Variants in SYN3 observed in about 807,000 individuals in gnomAD.
The protein encoded by SYN3 is synapsin III.
In SYN3, 35 loss-of-function variants were observed where a neutral mutation model predicts 65.8. The ratio of observed to expected loss-of-function variants is 0.53; its 90% CI spans 0.41 to 0.70. The LOEUF (loss-of-function observed/expected upper bound fraction) is 0.70, where lower values mean the gene tolerates loss of function less well. Ranked by LOEUF, SYN3 falls within the 30% of genes least tolerant of loss-of-function variation. The probability of loss-of-function intolerance (pLI) is 0.00; values close to 1 mark genes in which losing one functional copy is unlikely to be tolerated. For synonymous variants in SYN3, 270 were observed against 292.9 expected, an observed-to-expected ratio of 0.92 and a Z score of 0.80; for missense variants, 680 against 749.0, an observed-to-expected ratio of 0.91 and a Z score of 1.08.
intron 6 of SYN3, among the ~76,000 whole-genome samples, chr22:32,770,264 T>G (rs914358410): frequency 6.6e-6 from 1 of 152,220 alleles, no homozygotes; most frequent in Non-Finnish European, 1.5e-5. Flanking sequence ...TCTCTATTTC[T>G]GTTCTTGCCC....
rs1469870955 is a variant in SYN3 at position 32,802,014 on chromosome 22, C to T, written c.711+62901G>A. On this transcript the variant is annotated intron_variant, in intron 6 of 13. Transcript: ENST00000358763. Reference sequence around the variant, plus strand: ...GGCAGCAGCGGCAATGACCCCTTGGCTCGGGCTCATCGTGCTCCTGGGCAG... The same window carrying T: ...GGCAGCAGCGGCAATGACCCCTTGGTTCGGGCTCATCGTGCTCCTGGGCAG... The T allele has an allele frequency of 3.2e-6, 5 of 1,580,084 alleles. No homozygotes were observed. The Admixed American group carries it at 8.9e-5, about 28-fold the overall frequency.
intron 6 of SYN3, among the ~76,000 whole-genome samples, chr22:32,810,641 C>G (rs1258204663): frequency 6.6e-6 from 1 of 152,156 alleles, no homozygotes; most frequent in Non-Finnish European, 1.5e-5. Context: ...CTGCCTCTGC[C>G]CATGAGGGTG....
At chr22:33,003,384 G>A (rs1340770427) in intron 2 of SYN3, among the ~76,000 whole-genome samples, 1 of 152,236 alleles carries the variant, frequency 6.6e-6, no homozygotes, top group African/African-American at 2.4e-5. Flanking sequence ...GAAGACGTGG[G>A]AAAGTTTGAA....
At chr22:32,827,847 G>C (rs140349149) in intron 6 of SYN3, among the ~76,000 whole-genome samples, 165 of 152,208 alleles carry the variant, frequency 1.1e-3, no homozygotes, top group Non-Finnish European at 1.9e-3. Context: ...TGAACTTGCT[G>C]TCCTCTCTTC....
chr22:32,552,173 G>A (rs1205769670), intron 7 of SYN3, among the ~76,000 whole-genome samples: 1 of 152,204 alleles, frequency 6.6e-6, no homozygotes, highest in Non-Finnish European at 1.5e-5. Context: ...TTGAACCCGG[G>A]AGGCGGAGGT....
At chr22:32,790,406 C>CTTTATTTATTTATTTATTTA (rs130557) in intron 6 of SYN3, among the ~76,000 whole-genome samples, 43 of 145,800 alleles carry the variant, frequency 2.9e-4, no homozygotes, top group East Asian at 1.0e-3. Flanking sequence ...TTAAATTAAA[C>CTTTATTTATTTATTTATTTA]TTTATTTATT....
At chr22:32,685,476 G>C (rs1368179022) in intron 6 of SYN3, among the ~76,000 whole-genome samples, 1 of 152,176 alleles carries the variant, frequency 6.6e-6, no homozygotes, top group East Asian at 1.9e-4. Context: ...CCCTATACAG[G>C]TGTACCACTT....
At chr22:32,840,797 C>G (rs2047876776) in intron 6 of SYN3, among the ~76,000 whole-genome samples, 1 of 152,210 alleles carries the variant, frequency 6.6e-6, no homozygotes, top group Non-Finnish European at 1.5e-5. Flanking sequence ...GACTTCATCT[C>G]TTCTTGGCTC....
intron 1 of SYN3, among the ~76,000 whole-genome samples, chr22:33,033,523 A>G (rs1196569521): frequency 6.6e-6 from 1 of 152,042 alleles, no homozygotes; most frequent in African/African-American, 2.4e-5. Flanking sequence ...GTTTAGCCAG[A>G]GGGCTTTATT....
At chr22:32,658,715 G>A (rs1345602744) in intron 6 of SYN3, among the ~76,000 whole-genome samples, 1 of 152,110 alleles carries the variant, frequency 6.6e-6, no homozygotes, top group East Asian at 1.9e-4. Context: ...TGTGTACAAA[G>A]ATGAGGGTGC....
intron 1 of SYN3, among the ~76,000 whole-genome samples, chr22:33,017,152 A>G (rs190422487): frequency 7.0e-4 from 106 of 152,342 alleles, no homozygotes; most frequent in Non-Finnish European, 3.5e-4. Context: ...AACATCACTT[A>G]TGAAGAGACT....
intron 1 of SYN3, among the ~76,000 whole-genome samples, chr22:33,039,379 T>C (rs2145927490): frequency 6.7e-6 from 1 of 149,482 alleles, no homozygotes; most frequent in African/African-American, 2.5e-5. Flanking sequence ...AATGTGACTT[T>C]TTTTTTTTTT....
chr22:32,752,548 AC>A (rs2045159957), intron 6 of SYN3, among the ~76,000 whole-genome samples: 1 of 151,994 alleles, frequency 6.6e-6, no homozygotes, highest in South Asian at 2.1e-4. Context: ...TGCTTCTGCT[AC>A]TCCTTCTACG....
At chr22:32,770,764 G>C (rs2145771985) in intron 6 of SYN3, among the ~76,000 whole-genome samples, 1 of 151,308 alleles carries the variant, frequency 6.6e-6, no homozygotes, top group South Asian at 2.1e-4. Context: ...CCTCTGTAAG[G>C]TAACTATAGC....
At chr22:32,892,490 A>C (rs981457028) in intron 4 of SYN3, among the ~76,000 whole-genome samples, 8 of 152,206 alleles carry the variant, frequency 5.3e-5, no homozygotes, top group Non-Finnish European at 1.2e-4. Flanking sequence ...AAACACATAC[A>C]TGCTATTACA....
intron 4 of SYN3, among the ~76,000 whole-genome samples, chr22:32,906,676 G>C (rs1442857802): frequency 6.6e-6 from 1 of 151,588 alleles, no homozygotes; most frequent in East Asian, 1.9e-4. Context: ...CCCCCCGACA[G>C]GCCCGGGTGT....
chr22:32,703,032 T>C (rs2060830582), intron 6 of SYN3, among the ~76,000 whole-genome samples: 1 of 152,230 alleles, frequency 6.6e-6, no homozygotes, highest in Admixed American at 6.5e-5. Context: ...TGGGGTTAGT[T>C]AGAGGCATTT....
intron 6 of SYN3, among the ~76,000 whole-genome samples, chr22:32,624,681 CT>C (rs2059641288): frequency 6.6e-6 from 1 of 152,216 alleles, no homozygotes; most frequent in Admixed American, 6.5e-5. Flanking sequence ...CGCTGGGCAC[CT>C]GCTGGAAGGC....
chr22:32,583,726 C>T (rs1017909641), intron 7 of SYN3, among the ~76,000 whole-genome samples: 3 of 152,186 alleles, frequency 2.0e-5, no homozygotes, highest in Non-Finnish European at 4.4e-5. Flanking sequence ...ACTAATCAGG[C>T]CACACTTTGG....
Sources: allele counts gnomAD v4.1 joint callset (sites outside exome capture counted in the v4.1 genomes callset), GRCh38; gene constraint gnomAD v4.1.1; transcripts MANE v1.5; gene names NCBI Gene and HGNC (gene_info 2026-07-23, HGNC 2026-07-21).